Variants in SEPTIN11 observed in about 807,000 individuals in gnomAD.
SEPTIN11 encodes septin 11.
In SEPTIN11, 25 loss-of-function variants were observed where a neutral mutation model predicts 51.4. That is an observed-to-expected ratio of 0.49 (90% CI 0.35 to 0.68). SEPTIN11 has a LOEUF of 0.68. SEPTIN11 is among the 30% of genes least tolerant of loss of function. The probability of loss-of-function intolerance (pLI) is 0.00; values close to 1 mark genes in which losing one functional copy is unlikely to be tolerated. For synonymous variants in SEPTIN11, 174 were observed against 184.1 expected (o/e 0.95, Z 0.44); for missense variants, 381 against 520.8 (o/e 0.73, Z 2.61).
rs570122923 is a variant in SEPTIN11, at chr4:76,958,107, C to T, written c.27+8177C>T. Among the ~76,000 whole-genome samples the T allele has an allele frequency of 5.1e-4, 78 of 152,340 alleles. 1 individual carries two copies. Among genetic ancestry groups the T allele is most frequent in the African/African-American group, 1.9e-3 (77 of 41,582 alleles). ...TTGACTCAATAAGTGAAAATTCACC[C>T]TTCAGATAAATTGGATAAGACGTAT... On this transcript the variant is annotated intron_variant, in intron 1 of 9. Coordinates refer to ENST00000264893, the MANE Select transcript of SEPTIN11 (RefSeq NM_018243.4).
At position 77,005,692 on chromosome 4, in the gene SEPTIN11, T is replaced by C; in HGVS notation, c.234T>C (p.Val78=). Reference sequence around the variant, plus strand: ...CAGCTACTCACAATGAACCAGGTGTTCGGTTAAAAGCCAGAAGTTATGAGC... The same window carrying C: ...CAGCTACTCACAATGAACCAGGTGTCCGGTTAAAAGCCAGAAGTTATGAGC... ...SDPATHNEPG[V]RLKARSYELQ... is the part of the protein sequence containing the mutation. The change falls in exon 3 of 10, where the codon GTT becomes GTC. Residue 78 remains valine, a synonymous_variant. Transcript: ENST00000264893. 1 of 1,614,068 alleles carries C rather than the reference T, an allele frequency of 6.2e-7. No individual in the cohort carries two copies. Among genetic ancestry groups the C allele is most frequent in the Non-Finnish European group, 8.5e-7 (1 of 1,179,962 alleles).
intron 2 of SEPTIN11, among the ~76,000 whole-genome samples, chr4:76,997,671 G>GT (rs1243245333): frequency 6.6e-6 from 1 of 152,112 alleles, no homozygotes; most frequent in African/African-American, 2.4e-5. Flanking sequence ...TTTTCCCTAC[G>GT]TGAAGCCTTT....
intron 7 of SEPTIN11, among the ~76,000 whole-genome samples, chr4:77,023,494 A>G (rs1159805953): frequency 1.3e-5 from 2 of 151,774 alleles, no homozygotes; most frequent in East Asian, 1.9e-4. Context: ...ACCTTCCAAC[A>G]TCTCGATAAC....
At chr4:77,010,768 G>C (rs1454380257) in intron 3 of SEPTIN11, among the ~76,000 whole-genome samples, 1 of 152,088 alleles carries the variant, frequency 6.6e-6, no homozygotes, top group East Asian at 1.9e-4. Context: ...AATAAAGTTT[G>C]GGGAGAATTA....
intron 7 of SEPTIN11, among the ~76,000 whole-genome samples, chr4:77,027,182 C>A (rs1726221601): frequency 6.6e-6 from 1 of 152,202 alleles, no homozygotes; most frequent in South Asian, 2.1e-4. Context: ...GTTGCCCAGG[C>A]TGGAGTGCAA....
At chr4:77,030,012 AC>A (rs1726495212) in intron 8 of SEPTIN11, among the ~76,000 whole-genome samples, 1 of 152,132 alleles carries the variant, frequency 6.6e-6, no homozygotes, top group Admixed American at 6.5e-5. Flanking sequence ...TAATCCCAGC[AC>A]CTTGGGATGC....
intron 2 of SEPTIN11, among the ~76,000 whole-genome samples, chr4:77,002,026 C>T (rs1472773721): frequency 1.3e-5 from 2 of 152,154 alleles, no homozygotes; most frequent in African/African-American, 4.8e-5. Flanking sequence ...TCTAGAGTTC[C>T]TTTTATTCCA....
In SEPTIN11 at chr4:77,034,906, G is replaced by A; in HGVS notation, c.*394G>A. On this transcript the variant is annotated 3_prime_UTR_variant, in exon 10 of 10. Coordinates refer to ENST00000264893, the MANE Select transcript of SEPTIN11 (RefSeq NM_018243.4). The stretch of plus-strand genomic sequence containing the variant: ...CTGAACTAAAAACCTGAATAGCCAT[G>A]ACAAGAGTTTGCATTTTCTTGATGA... 6 of 995,380 alleles carry A rather than the reference G, an allele frequency of 6.0e-6. No homozygotes were observed. Among genetic ancestry groups the A allele is most frequent in the Non-Finnish European group, 7.2e-6 (6 of 836,516 alleles). 61.7% of individuals were successfully genotyped at this position (995,380 alleles called of 1,614,324 possible).
intron 5 of SEPTIN11, among the ~76,000 whole-genome samples, chr4:77,018,294 C>G (rs1255830973): frequency 6.6e-6 from 1 of 151,910 alleles, no homozygotes; most frequent in Non-Finnish European, 1.5e-5. Flanking sequence ...ACTAAAAATA[C>G]AAAAATTAGC....
At chr4:77,001,366 A>G (rs1724108779) in intron 2 of SEPTIN11, among the ~76,000 whole-genome samples, 1 of 150,734 alleles carries the variant, frequency 6.6e-6, no homozygotes, top group Non-Finnish European at 1.5e-5. Flanking sequence ...TTTTTTTTTA[A>G]AGATGGAGTC....
At chr4:77,008,982 C>G (rs961972375) in intron 3 of SEPTIN11, among the ~76,000 whole-genome samples, 13 of 152,222 alleles carry the variant, frequency 8.5e-5, no homozygotes, top group African/African-American at 3.1e-4. Flanking sequence ...GCAGATAATT[C>G]ATCTCATCTA....
At chr4:77,020,456 A>ACAT (rs1357295386) in intron 6 of SEPTIN11, 46 bp from the exon 7 acceptor site, 2 of 1,593,840 alleles carry the variant, frequency 1.3e-6, no homozygotes, top group East Asian at 4.5e-5. Flanking sequence ...TATTTCAGTG[A>ACAT]CATCATTGCT....
Position 77,034,653 on chromosome 4 carries a change from G to A in SEPTIN11, c.*141G>A, listed in dbSNP as rs890790949. ...AAACACCAGTAACTATTATTAACTC[G>A]TTTTGCTGAATGTTGTTGGGTGGTA... On this transcript the variant is annotated 3_prime_UTR_variant, in exon 10 of 10. Transcript: ENST00000264893. 1.1e-5 allele frequency: 15 copies of A among 1,329,232 alleles called. No individual in the cohort carries two copies. The highest frequency in any genetic ancestry group is 2.7e-4 in the Middle Eastern group (1 of 3,688). 82.3% of individuals were successfully genotyped at this position (1,329,232 alleles called of 1,614,324 possible). A position where few individuals can be genotyped will look rare whatever the true frequency, so the allele number is the denominator to read the frequency against.
At chr4:76,950,694 AGT>A (rs1376448385) in intron 1 of SEPTIN11, among the ~76,000 whole-genome samples, 1 of 151,852 alleles carries the variant, frequency 6.6e-6, no homozygotes, top group Admixed American at 6.5e-5. Context: ...CTTTGCCCCG[AGT>A]GTGTGGGCCA....
chr4:77,013,181 G>GAT (rs1450553805), intron 4 of SEPTIN11, among the ~76,000 whole-genome samples: 1 of 152,162 alleles, frequency 6.6e-6, no homozygotes, highest in Non-Finnish European at 1.5e-5. Flanking sequence ...ATGTTTAATA[G>GAT]AGTTCATTGA....
At chr4:77,019,334 C>T (rs765288431) in intron 6 of SEPTIN11, 73 bp downstream of exon 6, 14 of 1,339,356 alleles carry the variant, frequency 1.0e-5, no homozygotes, top group African/African-American at 5.8e-5. Context: ...GTTCATTTTC[C>T]GTCTTGTTTA....
chr4:76,994,900 C>CT (rs55728971), intron 1 of SEPTIN11, among the ~76,000 whole-genome samples: 5,524 of 54,910 alleles, frequency 0.1, 517 homozygotes, highest in Middle Eastern at 0.13. Flanking sequence ...CTGTACAAAG[C>CT]TTTTTTTTTT....
At chr4:76,960,478 C>T (rs1298074941) in intron 1 of SEPTIN11, among the ~76,000 whole-genome samples, 1 of 152,118 alleles carries the variant, frequency 6.6e-6, no homozygotes, top group African/African-American at 2.4e-5. Context: ...ATCAAAATCA[C>T]TAATAATTAA....
intron 1 of SEPTIN11, among the ~76,000 whole-genome samples, chr4:76,993,357 A>G (rs1387451696): frequency 6.6e-6 from 1 of 152,152 alleles, no homozygotes; most frequent in Non-Finnish European, 1.5e-5. Context: ...GCAGAGTTCA[A>G]TATTAGAGAT....
Sources: allele counts gnomAD v4.1 joint callset (sites outside exome capture counted in the v4.1 genomes callset), GRCh38; gene constraint gnomAD v4.1.1; transcripts MANE v1.5; gene names NCBI Gene and HGNC (gene_info 2026-07-23, HGNC 2026-07-21).